The following PRKN variants were observed in gnomAD, a reference collection of about 807,000 sequenced individuals.
PRKN encodes the protein E3 ubiquitin-protein ligase parkin.
In PRKN, 56 loss-of-function variants were observed where a neutral mutation model predicts 59.5. The ratio of observed to expected loss-of-function variants is 0.94; its 90% confidence interval spans 0.76 to 1.18. PRKN has a LOEUF of 1.18. Among genes scored for constraint, PRKN ranks in the 50% most tolerant of loss-of-function variants. PRKN has a pLI of 0.00. For missense variants in PRKN, 657 were observed against 596.4 expected (o/e 1.10, Z -1.06); for synonymous variants, 250 against 222.1 (o/e 1.13, Z -1.12).
chr6:162,332,343 G>T (rs1423730263), intron 2 of PRKN, among the ~76,000 whole-genome samples: 1 of 152,150 alleles, frequency 6.6e-6, no homozygotes, highest in Non-Finnish European at 1.5e-5. Flanking sequence ...AGTTCTCCAG[G>T]AGCAGTGTCA....
intron 2 of PRKN, among the ~76,000 whole-genome samples, chr6:162,388,624 G>A (rs1284392870): frequency 6.6e-6 from 1 of 152,080 alleles, no homozygotes; most frequent in African/African-American, 2.4e-5. Flanking sequence ...GCTTTCAGAG[G>A]TCTCCAAGGA....
intron 9 of PRKN, among the ~76,000 whole-genome samples, chr6:161,516,826 C>CAAAAAAAAAAA (rs369136348): frequency 5.7e-4 from 36 of 63,100 alleles, no homozygotes; most frequent in East Asian, 1.1e-3. Context: ...GACTCAATCT[C>CAAAAAAAAAAA]AAAAAAAAAA....
At chr6:162,669,101 A>C (rs1779221257) in intron 1 of PRKN, among the ~76,000 whole-genome samples, 1 of 152,164 alleles carries the variant, frequency 6.6e-6, no homozygotes, top group Admixed American at 6.5e-5. Context: ...AACCTCTAAA[A>C]TCCACAGTTT....
chr6:161,882,608 G>C (rs1562362652), intron 6 of PRKN, among the ~76,000 whole-genome samples: 1 of 130,570 alleles, frequency 7.7e-6, no homozygotes, highest in Non-Finnish European at 1.8e-5. Context: ...CTTACTGTGG[G>C]AGAGAGTACA....
chr6:162,578,057 G>A (rs754472884), intron 1 of PRKN, among the ~76,000 whole-genome samples: 5 of 152,064 alleles, frequency 3.3e-5, no homozygotes, highest in African/African-American at 7.2e-5. Flanking sequence ...CACTGATGAC[G>A]GGAACATAAA....
intron 5 of PRKN, among the ~76,000 whole-genome samples, chr6:162,051,687 C>T (rs1777652322): frequency 6.6e-6 from 1 of 152,150 alleles, no homozygotes. Flanking sequence ...AGTTGTCACC[C>T]CCAGGGCTGA....
intron 1 of PRKN, chr6:162,727,315 A>AGGTGAGGGGCGGCGGCGGGGCGCT: frequency 2.9e-6 from 1 of 347,814 alleles, no homozygotes; most frequent in Non-Finnish European, 5.2e-6. Flanking sequence ...GGCGGGGCGA[A>AGGTGAGGGGCGGCGGCGGGGCGCT]GGTGAGGGGC....
intron 2 of PRKN, among the ~76,000 whole-genome samples, chr6:162,412,401 C>T (rs1788396765): frequency 6.6e-6 from 1 of 151,938 alleles, no homozygotes; most frequent in South Asian, 2.1e-4. Flanking sequence ...CTACGGGACT[C>T]ACTGTGGACA....
intron 9 of PRKN, among the ~76,000 whole-genome samples, chr6:161,453,207 A>C (rs906302953): frequency 2.0e-5 from 3 of 152,170 alleles, no homozygotes; most frequent in Non-Finnish European, 4.4e-5. Flanking sequence ...AACAGTACTG[A>C]GTAGCAGTTA....
chr6:161,931,484 G>A (rs762502265), intron 6 of PRKN, among the ~76,000 whole-genome samples: 5 of 152,140 alleles, frequency 3.3e-5, no homozygotes, highest in Non-Finnish European at 7.4e-5. Flanking sequence ...ACTGGAAGGT[G>A]AATTTGCATC....
chr6:161,545,090 T>C lies in PRKN; in HGVS notation c.1083+3764A>G. On this transcript the variant is annotated intron_variant, in intron 9 of 11. Transcript: ENST00000366898. This position sits in a 1 kb window ranked among gnomAD's most constrained non-coding sequence, Gnocchi z 4.1. ...ATGGGTGTCTAGCTCCGAACAATTT[T>C]AAATCCCACAAATGACAGAGAATTT... The C allele has an allele frequency of 8.7e-7, 1 of 1,153,810 alleles. No homozygotes were observed. The highest frequency in any genetic ancestry group is 2.3e-5 in the South Asian group (1 of 44,120). The allele number at this position is 1,153,810 out of a possible 1,614,324, so 71.5% of individuals were successfully genotyped here. A position where few individuals can be genotyped will look rare whatever the true frequency, so the allele number is the denominator to read the frequency against.
chr6:162,379,590 G>A (rs975415538), intron 2 of PRKN, among the ~76,000 whole-genome samples: 2 of 151,962 alleles, frequency 1.3e-5, no homozygotes, highest in African/African-American at 4.8e-5. Flanking sequence ...GATCCCATCC[G>A]ACACCTCCCA....
At chr6:161,556,193 G>A (rs1306286007) in intron 8 of PRKN, among the ~76,000 whole-genome samples, 3 of 151,970 alleles carry the variant, frequency 2.0e-5, no homozygotes, top group Non-Finnish European at 2.9e-5. Context: ...AAAAATTATT[G>A]TTATTTATTT....
At chr6:161,384,727 C>T (rs1322979014) in intron 10 of PRKN, among the ~76,000 whole-genome samples, 2 of 152,158 alleles carry the variant, frequency 1.3e-5, no homozygotes, top group South Asian at 2.1e-4. Flanking sequence ...GCTGGAATGT[C>T]CTTTACCACA....
At chr6:161,753,922 G>T (rs2128195642) in intron 7 of PRKN, among the ~76,000 whole-genome samples, 1 of 152,272 alleles carries the variant, frequency 6.6e-6, no homozygotes, top group African/African-American at 2.4e-5. Context: ...GGTTAGGAAA[G>T]GTCAGAGGGT....
At chr6:161,607,324 GAAGAC>G (rs1336016300) in intron 7 of PRKN, among the ~76,000 whole-genome samples, 16 of 152,182 alleles carry the variant, frequency 1.1e-4, no homozygotes, top group Admixed American at 7.2e-4. Context: ...AAAAGCAAAT[GAAGAC>G]AAGACATCTG....
intron 9 of PRKN, among the ~76,000 whole-genome samples, chr6:161,415,846 C>T (rs1401532684): frequency 6.6e-6 from 1 of 151,944 alleles, no homozygotes; most frequent in African/African-American, 2.4e-5. Context: ...TCCCTCTCTC[C>T]CCACAGTGTC....
intron 4 of PRKN, among the ~76,000 whole-genome samples, chr6:162,058,126 T>C (rs1414169379): frequency 6.6e-6 from 1 of 152,208 alleles, no homozygotes; most frequent in East Asian, 1.9e-4. Flanking sequence ...AGGAAAACTT[T>C]AGAGTCAAAT....
rs564636530 is a variant in PRKN at position 161,960,609 on chromosome 6, T to C, written c.734+12693A>G. Among the ~76,000 whole-genome samples the C allele has an allele frequency of 2.6e-5, 4 of 152,256 alleles. No homozygotes were observed. In the East Asian group the frequency reaches 7.7e-4, roughly 29 times the overall value. On this transcript the variant is annotated intron_variant, in intron 6 of 11. Coordinates refer to ENST00000366898, the MANE Select transcript of PRKN (RefSeq NM_004562.3). ...GAAGAGCCTTCACCAGACGAGGCCA[T>C]TTGAAAGAGATGGGTTTTAAGCAAA...
Sources: gnomAD v4.1 joint callset for allele counts (sites outside exome capture counted in the v4.1 genomes callset) on GRCh38, gnomAD v4.1.1 for gene constraint, Gnocchi (gnomAD v3.1) non-coding constraint, MANE v1.5 for transcripts, NCBI Gene and HGNC (gene_info 2026-07-23, HGNC 2026-07-21) for gene names.